PRKG1: variants seen among roughly 807,000 people sequenced by gnomAD.
PRKG1 encodes the protein protein kinase cGMP-dependent 1, also known as cGMP-dependent protein kinase 1.
PRKG1 carries 35 observed loss-of-function variants against 88.1 expected under a neutral mutation model. That is an observed-to-expected ratio of 0.40 (90% CI 0.30 to 0.53). PRKG1 has a LOEUF of 0.53. Ranked by LOEUF, PRKG1 falls within the 20% of genes least tolerant of loss-of-function variation. PRKG1 has a pLI of 0.59. For synonymous variants in PRKG1, 303 were observed against 292.5 expected (o/e 1.04, Z -0.37); for missense variants, 540 against 839.8 (o/e 0.64, Z 4.41).
At position 51,041,793 on chromosome 10, in the gene PRKG1, G is replaced by A. The variant is rs533605136; in HGVS notation, c.266+50149G>A. On this transcript the variant is annotated intron_variant, in intron 1 of 17. Coordinates refer to the PRKG1 transcript ENST00000401604. Reference sequence around the variant, plus strand: ...GAGAAAGGGCATGGTTATGAGGAGTGGTGTAACCTATCTTAGTTTGCTTTG... The same window carrying A: ...GAGAAAGGGCATGGTTATGAGGAGTAGTGTAACCTATCTTAGTTTGCTTTG... 1.3e-3 allele frequency among the ~76,000 whole-genome samples: 201 copies of A among 152,270 alleles called. 1 individual carries two copies. The highest frequency in any genetic ancestry group is 4.7e-3 in the African/African-American group (197 of 41,540).
At chr10:51,182,239 G>A (rs1002786802) in intron 2 of PRKG1, among the ~76,000 whole-genome samples, 2 of 152,174 alleles carry the variant, frequency 1.3e-5, no homozygotes, top group African/African-American at 4.8e-5. Context: ...GATGAAGAAT[G>A]AAAAATCTGC....
At chr10:52,148,380 G>C (rs1837790069) in intron 8 of PRKG1, among the ~76,000 whole-genome samples, 1 of 152,162 alleles carries the variant, frequency 6.6e-6, no homozygotes, top group South Asian at 2.1e-4. Flanking sequence ...CGTGCTGTAA[G>C]TATTCTATAA....
chr10:51,431,375 G>A (rs887219585), intron 2 of PRKG1, among the ~76,000 whole-genome samples: 1 of 152,208 alleles, frequency 6.6e-6, no homozygotes, highest in Non-Finnish European at 1.5e-5. Context: ...CAGGGAAGGG[G>A]TAGGAGTTTC....
intron 5 of PRKG1, among the ~76,000 whole-genome samples, chr10:51,955,182 T>C (rs1427703398): frequency 6.6e-6 from 1 of 152,108 alleles, no homozygotes; most frequent in Non-Finnish European, 1.5e-5. Context: ...AGGAGGGCCA[T>C]CACAAATTGG....
intron 9 of PRKG1, among the ~76,000 whole-genome samples, chr10:52,180,966 G>T (rs569404908): frequency 3.9e-5 from 6 of 152,268 alleles, no homozygotes; most frequent in Admixed American, 1.3e-4. Context: ...TCTGTTGGAG[G>T]TGTTTTCCCA....
chr10:51,401,748 A>G (rs1397256797), intron 2 of PRKG1, among the ~76,000 whole-genome samples: 2 of 152,074 alleles, frequency 1.3e-5, no homozygotes, highest in African/African-American at 4.8e-5. Flanking sequence ...CCCCATAATT[A>G]AGAGTTTATA....
rs146700314 is a variant in PRKG1, at chr10:51,735,854, C to CATATATAT, written c.593-68712_593-68705dup. ...GGATATGGGGCAGGGGGCCTGACTG[C>CATATATAT]ATATATATATATATATATATATATA... is the stretch of plus-strand genomic sequence containing the variant. On this transcript the variant is annotated intron_variant, in intron 3 of 17. Transcript: ENST00000373980. 7.4e-3 allele frequency among the ~76,000 whole-genome samples: 846 copies of CATATATAT among 114,144 alleles called. 6 individuals are homozygous for CATATATAT. Among genetic ancestry groups the CATATATAT allele is most frequent in the East Asian group, 0.024 (86 of 3,554 alleles). The allele number at this position is 114,144 out of a possible 152,430, so 74.9% of individuals were successfully genotyped here. A position where few individuals can be genotyped will look rare whatever the true frequency, so the allele number is the denominator to read the frequency against.
At chr10:51,709,997 G>A (rs761479281) in intron 3 of PRKG1, among the ~76,000 whole-genome samples, 12 of 152,152 alleles carry the variant, frequency 7.9e-5, no homozygotes, top group Non-Finnish European at 1.6e-4. Flanking sequence ...ATATATATCA[G>A]CATGTATTTT....
At chr10:51,377,737 G>A (rs2132622139) in intron 2 of PRKG1, among the ~76,000 whole-genome samples, 1 of 152,294 alleles carries the variant, frequency 6.6e-6, no homozygotes, top group Admixed American at 6.5e-5. Context: ...GCAACTGTCA[G>A]CTGGAGCAGA....
rs1840021641 is a variant in PRKG1, at chr10:51,650,869, G to T, written c.593-153716G>T. On this transcript the variant is annotated intron_variant, in intron 3 of 17. Coordinates refer to ENST00000373980, the MANE Select transcript of PRKG1 (RefSeq NM_006258.4). ...CACTTTAGTTCAACTGGACTCATCAGTTGCCTACTGTGTAATCACTGGTAC... is the reference window on the plus strand; with the variant it reads ...CACTTTAGTTCAACTGGACTCATCATTTGCCTACTGTGTAATCACTGGTAC... Among the ~76,000 whole-genome samples, 2 of 152,076 alleles carry T rather than the reference G, an allele frequency of 1.3e-5. 1 individual carries two copies. The highest frequency in any genetic ancestry group is 4.2e-4 in the South Asian group (2 of 4,818).
chr10:51,117,600 T>A (rs1009294180), intron 1 of PRKG1, among the ~76,000 whole-genome samples: 4 of 152,224 alleles, frequency 2.6e-5, no homozygotes, highest in Non-Finnish European at 5.9e-5. Flanking sequence ...ATATGGGTAA[T>A]CTTATGTAAT....
chr10:51,171,043 C>G (rs1190571420), intron 2 of PRKG1, among the ~76,000 whole-genome samples: 2 of 151,972 alleles, frequency 1.3e-5, no homozygotes, highest in Non-Finnish European at 2.9e-5. Flanking sequence ...AGGTCATTAT[C>G]CAAAAACATT....
intron 2 of PRKG1, among the ~76,000 whole-genome samples, chr10:51,214,582 A>C (rs1489089563): frequency 1.3e-5 from 2 of 151,994 alleles, no homozygotes; most frequent in Non-Finnish European, 2.9e-5. Flanking sequence ...CCTGGGCTCA[A>C]ATGATTCTCC....
chr10:52,071,780 A>G (rs1846501906), intron 7 of PRKG1, among the ~76,000 whole-genome samples: 1 of 152,158 alleles, frequency 6.6e-6, no homozygotes, highest in Admixed American at 6.5e-5. Flanking sequence ...AAGCATCTCT[A>G]TGTACCTATT....
At chr10:51,238,658 G>C (rs1484887931) in intron 2 of PRKG1, among the ~76,000 whole-genome samples, 2 of 151,884 alleles carry the variant, frequency 1.3e-5, no homozygotes, top group Admixed American at 6.6e-5. Context: ...CTTCTCAGGA[G>C]GCTGAGGCAG....
chr10:51,889,296 G>A (rs1841655804), intron 4 of PRKG1, among the ~76,000 whole-genome samples: 2 of 146,202 alleles, frequency 1.4e-5, no homozygotes, highest in African/African-American at 2.6e-5. Flanking sequence ...ACCTATGAGT[G>A]AGAACACGCA....
rs148826001 is a variant in PRKG1, at chr10:52,151,845, G to C, written c.1002-10044G>C. ...ATTTCTCCTGCTTTTAATTGAAAAT[G>C]AAAGTCATGCTACATTTTAAAATCC... On this transcript the variant is annotated intron_variant, in intron 8 of 17. Coordinates refer to ENST00000373980, the MANE Select transcript of PRKG1 (RefSeq NM_006258.4). Among the ~76,000 whole-genome samples the C allele has an allele frequency of 5.9e-5, 9 of 152,284 alleles. No homozygotes were observed. In the East Asian group the frequency reaches 1.7e-3, roughly 29 times the overall value.
rs1433048297 is a variant in PRKG1 at position 51,205,127 on chromosome 10, C to CTTTCTTTTTTTTTTTTT, written c.478+51800_478+51801insCTTTTTTTTTTTTTTTT. ...TAAGGAAGAATTTTCATTTTCTTTT[C>CTTTCTTTTTTTTTTTTT]TTTTTTTTTTTTTTTTTTTTTTTTT... On this transcript the variant is annotated intron_variant, in intron 2 of 17. Transcript: ENST00000373980. 5.6e-3 allele frequency among the ~76,000 whole-genome samples: 356 copies of CTTTCTTTTTTTTTTTTT among 64,016 alleles called. 102 individuals are homozygous for CTTTCTTTTTTTTTTTTT. The highest frequency in any genetic ancestry group is 8.3e-3 in the African/African-American group (144 of 17,272). 42.0% of individuals were successfully genotyped at this position (64,016 alleles called of 152,430 possible).
intron 2 of PRKG1, among the ~76,000 whole-genome samples, chr10:51,186,694 C>T (rs1047987509): frequency 3.3e-5 from 5 of 151,704 alleles, no homozygotes; most frequent in Admixed American, 3.3e-4. Flanking sequence ...CATGTACATC[C>T]CCACTACTTC....
Sources: gnomAD v4.1 joint callset for allele counts (sites outside exome capture counted in the v4.1 genomes callset) on GRCh38, gnomAD v4.1.1 for gene constraint, MANE v1.5 for transcripts, NCBI Gene and HGNC (gene_info 2026-07-23, HGNC 2026-07-21) for gene names.